UNC93A: variants seen among roughly 807,000 people sequenced by gnomAD.
UNC93A encodes unc-93 homolog A, also known as N-acetylglucosamine transporter UNC93A.
UNC93A carries 43 observed loss-of-function variants against 47.5 expected under a neutral mutation model. That is an observed-to-expected ratio of 0.91 (90% CI 0.71 to 1.17). UNC93A has a LOEUF of 1.17. Ranked by LOEUF, UNC93A falls within the 50% of genes most tolerant of loss-of-function variation. The pLI is 0.00. For synonymous variants in UNC93A, 280 were observed against 258.0 expected (o/e 1.09, Z -0.82); for missense variants, 605 against 577.6 (o/e 1.05, Z -0.49).
intron 7 of UNC93A, among the ~76,000 whole-genome samples, chr6:167,314,049 C>T (rs578025044): frequency 3.0e-4 from 46 of 152,314 alleles, no homozygotes; most frequent in African/African-American, 1.0e-3. Flanking sequence ...GGGCACTCCC[C>T]TGCTGTAAGC....
upstream of UNC93A, among the ~76,000 whole-genome samples, chr6:167,286,655 A>C (rs1783738832): frequency 6.6e-6 from 1 of 152,142 alleles, no homozygotes. Context: ...TGTATAGACA[A>C]AAATAATTGA....
intron 1 of UNC93A, among the ~76,000 whole-genome samples, chr6:167,291,947 C>G (rs578165720): frequency 6.6e-6 from 1 of 152,260 alleles, no homozygotes; most frequent in Non-Finnish European, 1.5e-5. Context: ...TAGGGGCAGC[C>G]ATGTGAATTT....
At chr6:167,276,588 C>A (rs772836478) in intron 1 of UNC93A, among the ~76,000 whole-genome samples, 4 of 152,130 alleles carry the variant, frequency 2.6e-5, no homozygotes, top group Non-Finnish European at 5.9e-5. Context: ...TGCACAGTGG[C>A]TGAGCCTACT....
chr6:167,277,492 C>T (rs1783562679), intron 1 of UNC93A, among the ~76,000 whole-genome samples: 1 of 152,148 alleles, frequency 6.6e-6, no homozygotes, highest in South Asian at 2.1e-4. Context: ...AAAAGAACGG[C>T]CCCTCCTGCA....
chr6:167,287,027 T>C (rs1047342239), upstream of UNC93A, among the ~76,000 whole-genome samples: 4 of 150,310 alleles, frequency 2.7e-5, no homozygotes, highest in Non-Finnish European at 5.9e-5. Flanking sequence ...CAGCACTTTC[T>C]GCCCCTCATC....
intron 1 of UNC93A, among the ~76,000 whole-genome samples, chr6:167,280,078 C>T (rs1247981798): frequency 6.6e-6 from 1 of 152,302 alleles, no homozygotes; most frequent in Non-Finnish European, 1.5e-5. Context: ...TCTTTAGTTC[C>T]TATCACTGGC....
chr6:167,277,043 A>G (rs1457559774), intron 1 of UNC93A, among the ~76,000 whole-genome samples: 2 of 152,180 alleles, frequency 1.3e-5, no homozygotes, highest in African/African-American at 4.8e-5. Flanking sequence ...ACAGGCCACC[A>G]CAGACTCCCC....
intron 1 of UNC93A, among the ~76,000 whole-genome samples, chr6:167,292,777 C>T (rs1783870123): frequency 6.6e-6 from 1 of 152,174 alleles, no homozygotes; most frequent in South Asian, 2.1e-4. Flanking sequence ...TTGGTGTGCA[C>T]TTTCTGGAAG....
chr6:167,284,794 G>A (rs1004710194), intron 1 of UNC93A, among the ~76,000 whole-genome samples: 1 of 151,704 alleles, frequency 6.6e-6, no homozygotes, highest in Admixed American at 6.6e-5. Flanking sequence ...GGGACTCTGA[G>A]GGCGGTCGCC....
At chr6:167,314,528 C>T (rs1002628907) in intron 7 of UNC93A, among the ~76,000 whole-genome samples, 19 of 152,180 alleles carry the variant, frequency 1.2e-4, no homozygotes, top group Non-Finnish European at 2.1e-4. Flanking sequence ...CCAAAAGGAG[C>T]CCTGTGTTTA....
upstream of UNC93A, among the ~76,000 whole-genome samples, chr6:167,270,007 A>AGCTGAGAAGTC (rs1285969217): frequency 7.8e-6 from 1 of 127,400 alleles, no homozygotes; most frequent in Non-Finnish European, 1.6e-5. Flanking sequence ...CCTGGTAGAA[A>AGCTGAGAAGTC]GCTGAGAAGT....
At chr6:167,275,479 T>C (rs1783524047) in intron 1 of UNC93A, among the ~76,000 whole-genome samples, 1 of 152,212 alleles carries the variant, frequency 6.6e-6, no homozygotes, top group South Asian at 2.1e-4. Context: ...TGATACCTGG[T>C]GGTCAGCTCA....
In UNC93A at chr6:167,294,678, G is replaced by A; in HGVS notation, c.249G>A (p.Val83=). Residue 83 remains valine (V), a synonymous_variant, in exon 2 of 8, where the codon GTG becomes GTA. Coordinates refer to ENST00000230256, the MANE Select transcript of UNC93A (RefSeq NM_018974.4). ...LSMCGYVAFS[V]GNFFASWYTL... The stretch of plus-strand genomic sequence containing the variant: ...TGTGTGGCTACGTGGCCTTCTCCGT[G>A]GGCAACTTCTTCGCCAGCTGGTACG... 1 of 1,599,844 alleles carries A rather than the reference G, an allele frequency of 6.3e-7. No homozygotes were observed.
intron 2 of UNC93A, among the ~76,000 whole-genome samples, chr6:167,295,691 G>GCCTCGTGCTCCTCGCCTC (rs1562350579): frequency 1.6e-4 from 6 of 38,418 alleles, no homozygotes; most frequent in Non-Finnish European, 2.9e-4. Context: ...CTCCTCGCCT[G>GCCTCGTGCTCCTCGCCTC]CCTCGTGCTC....
chr6:167,302,118 G>A (rs143596673), intron 4 of UNC93A, among the ~76,000 whole-genome samples: 2 of 152,298 alleles, frequency 1.3e-5, no homozygotes, highest in African/African-American at 4.8e-5. Context: ...GCATTTCTAG[G>A]TGGAACCACA....
rs1455576656 is a variant in UNC93A at position 167,305,849 on chromosome 6, C to T, written c.841-66C>T. ...AGCAGATGTTCTAAGCACCCGACTG[C>T]AGCTTTAGCTTGAGCACGGGAGGCC... On this transcript the variant is annotated intron_variant, in intron 5 of 7. Transcript: ENST00000230256. 7 of 1,607,034 alleles carry T rather than the reference C, an allele frequency of 4.4e-6. No homozygotes were observed. The Admixed American group carries it at 1.0e-4, about 23-fold the overall frequency.
At chr6:167,295,002 A>G (rs1778014152) in intron 2 of UNC93A, among the ~76,000 whole-genome samples, 1 of 152,118 alleles carries the variant, frequency 6.6e-6, no homozygotes, top group South Asian at 2.1e-4. Flanking sequence ...CGAGGGTTCC[A>G]GTAACACAGG....
At chr6:167,293,046 A>AG (rs1783877823) in intron 1 of UNC93A, among the ~76,000 whole-genome samples, 1 of 152,170 alleles carries the variant, frequency 6.6e-6, no homozygotes, top group Non-Finnish European at 1.5e-5. Context: ...GGGAGCTGCC[A>AG]GGGGTCCCTC....
At chr6:167,292,006 C>G (rs1783852010) in intron 1 of UNC93A, among the ~76,000 whole-genome samples, 1 of 152,204 alleles carries the variant, frequency 6.6e-6, no homozygotes. Context: ...CTAAGCTAAA[C>G]TGTGAACTTT....
Sources: gnomAD v4.1 joint callset for allele counts (sites outside exome capture counted in the v4.1 genomes callset) on GRCh38, gnomAD v4.1.1 for gene constraint, MANE v1.5 for transcripts, NCBI Gene and HGNC (gene_info 2026-07-23, HGNC 2026-07-21) for gene names.